PRKN: variants seen among roughly 807,000 people sequenced by gnomAD.
PRKN encodes the protein E3 ubiquitin-protein ligase parkin.
In PRKN, 56 loss-of-function variants were observed where a neutral mutation model predicts 59.5. The ratio of observed to expected loss-of-function variants is 0.94; its 90% confidence interval spans 0.76 to 1.18. The LOEUF is 1.18. Among genes scored for constraint, PRKN ranks in the 50% most tolerant of loss-of-function variants. PRKN has a pLI of 0.00. For synonymous variants in PRKN, 250 were observed against 222.1 expected, an observed-to-expected ratio of 1.13 and a Z score of -1.12; for missense variants, 657 against 596.4, an observed-to-expected ratio of 1.10 and a Z score of -1.06.
chr6:161,796,823 G>C (rs959653845), intron 6 of PRKN, among the ~76,000 whole-genome samples: 4 of 152,176 alleles, frequency 2.6e-5, no homozygotes, highest in Non-Finnish European at 5.9e-5. Flanking sequence ...CTATTTAGCT[G>C]TTGGAGATGC....
intron 7 of PRKN, among the ~76,000 whole-genome samples, chr6:161,701,488 TTCA>T (rs1175885064): frequency 6.6e-6 from 1 of 152,208 alleles, no homozygotes; most frequent in Non-Finnish European, 1.5e-5. Flanking sequence ...GCACAACCAA[TTCA>T]TATAAATTTA....
chr6:162,393,441 T>C (rs1787316956), intron 2 of PRKN, among the ~76,000 whole-genome samples: 1 of 152,066 alleles, frequency 6.6e-6, no homozygotes, highest in Non-Finnish European at 1.5e-5. Context: ...ATTACAGGCC[T>C]GAGCCACCAT....
intron 1 of PRKN, among the ~76,000 whole-genome samples, chr6:162,479,051 A>G (rs1234548398): frequency 6.6e-6 from 1 of 152,140 alleles, no homozygotes; most frequent in Non-Finnish European, 1.5e-5. Context: ...TCTGTGATAA[A>G]TTAACTTTAG....
intron 4 of PRKN, among the ~76,000 whole-genome samples, chr6:162,115,265 TA>T (rs1397234479): frequency 6.6e-6 from 1 of 151,144 alleles, no homozygotes; most frequent in Non-Finnish European, 1.5e-5. Flanking sequence ...AAACACCGCA[TA>T]TTCTTACTCA....
At chr6:162,568,409 A>C in intron 1 of PRKN, 1 of 547,974 alleles carries the variant, frequency 1.8e-6, no homozygotes, top group Non-Finnish European at 3.3e-6. Context: ...GAAGTCCTAT[A>C]AGGTGTCCAC....
intron 6 of PRKN, among the ~76,000 whole-genome samples, chr6:161,860,020 G>A (rs901302628): frequency 1.3e-5 from 2 of 151,956 alleles, no homozygotes; most frequent in African/African-American, 4.8e-5. Flanking sequence ...TTTGTGGAGG[G>A]TTTTTTTGAC....
chr6:162,011,115 A>AATTATAAT (rs1562458094), intron 5 of PRKN, among the ~76,000 whole-genome samples: 527 of 2,774 alleles, frequency 0.19, 197 homozygotes, highest in African/African-American at 0.24. Context: ...TATAATATAT[A>AATTATAAT]ATATATTTAT....
In PRKN at chr6:161,867,740, C is replaced by CATTCATTTATTTATTT. The variant is rs377654828; in HGVS notation, c.735-81833_735-81832insAAATAAATAAATGAAT. On this transcript the variant is annotated intron_variant, in intron 6 of 11. Transcript: ENST00000366898. ...ATTAGCAATCATGGGAAAAATCTTT[C>CATTCATTTATTTATTT]ATTTATTTATTTATTTATTTATTTA... 8.8e-3 allele frequency among the ~76,000 whole-genome samples: 1,209 copies of CATTCATTTATTTATTT among 137,570 alleles called. 7 individuals carry two copies. The highest frequency in any genetic ancestry group is 0.014 in the African/African-American group (463 of 34,186). The allele number at this position is 137,570 out of a possible 152,430, so 90.3% of individuals were successfully genotyped here. A position where few individuals can be genotyped will look rare whatever the true frequency, so the allele number is the denominator to read the frequency against.
chr6:161,963,126 A>G (rs1780446768), intron 6 of PRKN, among the ~76,000 whole-genome samples: 1 of 152,116 alleles, frequency 6.6e-6, no homozygotes, highest in African/African-American at 2.4e-5. Context: ...CTGGGTGACA[A>G]GAGCGAAATT....
At chr6:162,676,474 C>A (rs535935946) in intron 1 of PRKN, among the ~76,000 whole-genome samples, 1 of 152,264 alleles carries the variant, frequency 6.6e-6, no homozygotes, top group Non-Finnish European at 1.5e-5. Flanking sequence ...ACTGCAGCAG[C>A]AGAAATGTCT....
chr6:161,681,661 T>A (rs975060996), intron 7 of PRKN, among the ~76,000 whole-genome samples: 3 of 152,144 alleles, frequency 2.0e-5, no homozygotes, highest in Non-Finnish European at 4.4e-5. Context: ...GATGGGCAGC[T>A]CAAGTGGCGC....
At chr6:161,836,380 GA>G in intron 6 of PRKN, among the ~76,000 whole-genome samples, 1 of 152,284 alleles carries the variant, frequency 6.6e-6, no homozygotes, top group South Asian at 2.1e-4. Flanking sequence ...GGATGAGGGG[GA>G]AATTGCCGTA....
At chr6:162,190,881 A>G (rs1784249818) in intron 4 of PRKN, among the ~76,000 whole-genome samples, 1 of 152,178 alleles carries the variant, frequency 6.6e-6, no homozygotes, top group African/African-American at 2.4e-5. Context: ...CCACTGCCCT[A>G]CAGATGTAGT....
chr6:162,371,270 A>G (rs528381339), intron 2 of PRKN, among the ~76,000 whole-genome samples: 1 of 152,304 alleles, frequency 6.6e-6, no homozygotes, highest in South Asian at 2.1e-4. Flanking sequence ...CAGGCAACAA[A>G]GCAGCACCCT....
At chr6:162,468,237 G>C (rs566629381) in intron 1 of PRKN, among the ~76,000 whole-genome samples, 1 of 152,172 alleles carries the variant, frequency 6.6e-6, no homozygotes, top group Non-Finnish European at 1.5e-5. Context: ...GGCATCCCTC[G>C]TCTCACTAAT....
chr6:162,593,177 G>A (rs931093253), intron 1 of PRKN, among the ~76,000 whole-genome samples: 1 of 152,174 alleles, frequency 6.6e-6, no homozygotes, highest in African/African-American at 2.4e-5. Context: ...CAGGAATATA[G>A]AAGTAAAGTC....
At chr6:162,480,336 C>T (rs1422476588) in intron 1 of PRKN, among the ~76,000 whole-genome samples, 1 of 152,096 alleles carries the variant, frequency 6.6e-6, no homozygotes, top group Non-Finnish European at 1.5e-5. Flanking sequence ...TGTGGTCTGT[C>T]ACTAACTGAA....
chr6:162,587,542 G>A (rs1304688366), intron 1 of PRKN, among the ~76,000 whole-genome samples: 1 of 151,900 alleles, frequency 6.6e-6, no homozygotes, highest in Non-Finnish European at 1.5e-5. Context: ...TAGAGTCTCG[G>A]GAACAAATGG....
intron 2 of PRKN, among the ~76,000 whole-genome samples, chr6:162,419,749 GAC>G (rs1321804373): frequency 1.3e-5 from 2 of 151,028 alleles, no homozygotes; most frequent in Non-Finnish European, 1.5e-5. Flanking sequence ...GAGAGAGAGA[GAC>G]AGACACAGAG....
Sources: gnomAD v4.1 joint callset for allele counts (sites outside exome capture counted in the v4.1 genomes callset) on GRCh38, gnomAD v4.1.1 for gene constraint, MANE v1.5 for transcripts, NCBI Gene and HGNC (gene_info 2026-07-23, HGNC 2026-07-21) for gene names.